Variants in KIF26B observed in about 807,000 individuals in gnomAD.
KIF26B encodes kinesin-like protein KIF26B.
A neutral mutation model predicts 151.2 loss-of-function variants in KIF26B; 63 were observed. The ratio of observed to expected loss-of-function variants is 0.42; its 90% CI spans 0.34 to 0.51. The LOEUF (loss-of-function observed/expected upper bound fraction) is 0.51. KIF26B is among the 20% of genes least tolerant of loss of function. KIF26B has a pLI of 0.07. For missense variants in KIF26B, 2,813 were observed against 2,913.6 expected, an observed-to-expected ratio of 0.97 and a Z score of 0.79; for synonymous variants, 1,357 against 1,262.1, an observed-to-expected ratio of 1.08 and a Z score of -1.59.
At chr1:245,506,963 A>T (rs1660738444) in intron 4 of KIF26B, among the ~76,000 whole-genome samples, 1 of 152,240 alleles carries the variant, frequency 6.6e-6, no homozygotes, top group Admixed American at 6.5e-5. Context: ...TACAGGCGTG[A>T]GCCACGGTGC....
At chr1:245,613,265 A>G (rs1326497296) in intron 9 of KIF26B, among the ~76,000 whole-genome samples, 1 of 152,214 alleles carries the variant, frequency 6.6e-6, no homozygotes, top group Non-Finnish European at 1.5e-5. Flanking sequence ...TGAGTAAAGC[A>G]GAGATGGTCC....
At chr1:245,543,809 T>G (rs12731901) in intron 5 of KIF26B, among the ~76,000 whole-genome samples, 98,334 of 151,938 alleles carry the variant, frequency 0.65, 32,070 homozygotes, top group South Asian at 0.75. Context: ...TTAGCCAAGC[T>G]TGGCGGCACG....
Position 245,698,127 on chromosome 1 carries a change from T to C in KIF26B, c.5846T>C (p.Ile1949Thr). 1 of 1,613,978 alleles carries C rather than the reference T, an allele frequency of 6.2e-7. No individual in the cohort carries two copies. The highest frequency in any genetic ancestry group is 2.2e-5 in the East Asian group (1 of 44,872). ...SNPGSQRRRL[I>T]PALSLDTSSP... ...TCAGGTTCTCAGAGACGGAGGCTTA[T>C]CCCAGCACTATCCCTGGACACCTCT... The change falls in exon 13 of 15, where the codon ATC (isoleucine) becomes ACC (threonine). Residue 1949 changes from isoleucine to threonine, a missense_variant. This residue lies in a region of KIF26B where 2,060 missense variants were observed against 2,088.6 expected (regional missense o/e 0.99). Transcript: ENST00000407071. The surrounding 1 kb of genome is among the most constrained non-coding windows in gnomAD (Gnocchi z 4.0).
intron 3 of KIF26B, among the ~76,000 whole-genome samples, chr1:245,393,597 T>G (rs1400828341): frequency 6.6e-6 from 1 of 152,212 alleles, no homozygotes; most frequent in African/African-American, 2.4e-5. Context: ...TTGGTGAGTG[T>G]GGTCTTACCT....
intron 9 of KIF26B, among the ~76,000 whole-genome samples, chr1:245,637,356 G>A (rs2043844327): frequency 1.3e-5 from 2 of 151,788 alleles, no homozygotes; most frequent in South Asian, 2.1e-4. Context: ...TTTTAAATTG[G>A]ATTATCTGGG....
chr1:245,401,321 A>G (rs528486), intron 3 of KIF26B, among the ~76,000 whole-genome samples: 81,464 of 151,988 alleles, frequency 0.54, 22,167 homozygotes, highest in South Asian at 0.66. Context: ...AGCCATAAGC[A>G]TCTGTGTTCA....
intron 2 of KIF26B, among the ~76,000 whole-genome samples, chr1:245,232,551 GTTTTT>G (rs58620865): frequency 7.6e-6 from 1 of 131,790 alleles, no homozygotes; most frequent in Non-Finnish European, 1.7e-5. Flanking sequence ...GGTTTCATTT[GTTTTT>G]TTTTTTTTTT....
Position 245,358,156 on chromosome 1 carries a change from C to T in KIF26B, c.466-8678C>T, listed in dbSNP as rs1489290908. On this transcript the variant is annotated intron_variant, in intron 2 of 14. Transcript: ENST00000407071. The surrounding 1 kb of genome is among the most constrained non-coding windows in gnomAD (Gnocchi z 4.1). ...TCTCGAACTTCAGATCTGCCCACCTCAGTTTCCCAAAGTGTGGGGATTACA... is the reference window on the plus strand; with the variant it reads ...TCTCGAACTTCAGATCTGCCCACCTTAGTTTCCCAAAGTGTGGGGATTACA... Among the ~76,000 whole-genome samples the T allele has an allele frequency of 6.6e-6, 1 of 152,204 alleles. No homozygotes were observed. The highest frequency in any genetic ancestry group is 1.5e-5 in the Non-Finnish European group (1 of 68,034).
intron 2 of KIF26B, among the ~76,000 whole-genome samples, chr1:245,278,014 AG>A (rs1396025740): frequency 1.3e-5 from 2 of 152,094 alleles, no homozygotes; most frequent in Non-Finnish European, 2.9e-5. Context: ...AAAATTAGGA[AG>A]GGGTGGGGTG....
At chr1:245,620,505 T>TCCTCCCACTTCAG (rs1240716524) in intron 9 of KIF26B, among the ~76,000 whole-genome samples, 1 of 152,116 alleles carries the variant, frequency 6.6e-6, no homozygotes, top group Non-Finnish European at 1.5e-5. Flanking sequence ...GCTCAAGTGA[T>TCCTCCCACTTCAG]CCTCCCACTT....
intron 10 of KIF26B, among the ~76,000 whole-genome samples, chr1:245,664,681 A>G (rs1004615562): frequency 6.6e-6 from 1 of 152,240 alleles, no homozygotes; most frequent in Non-Finnish European, 1.5e-5. Context: ...TCAAAGTAGA[A>G]AAAGGTTAAA....
At chr1:245,295,700 T>C (rs1671324902) in intron 2 of KIF26B, among the ~76,000 whole-genome samples, 1 of 152,194 alleles carries the variant, frequency 6.6e-6, no homozygotes, top group Admixed American at 6.5e-5. Context: ...TTTTCTTAAG[T>C]CCTTACTGGA....
intron 2 of KIF26B, among the ~76,000 whole-genome samples, chr1:245,344,739 C>T (rs1672411612): frequency 6.6e-6 from 1 of 152,054 alleles, no homozygotes; most frequent in African/African-American, 2.4e-5. Flanking sequence ...TAATCTTTAC[C>T]AGTGTGTGAG....
intron 4 of KIF26B, among the ~76,000 whole-genome samples, chr1:245,497,795 G>A (rs575816331): frequency 4.9e-4 from 74 of 152,282 alleles, no homozygotes; most frequent in Middle Eastern, 6.8e-3. Flanking sequence ...CCAGGCTGGA[G>A]TGCAATGGCG....
chr1:245,387,738 C>T (rs1673586998), intron 3 of KIF26B, among the ~76,000 whole-genome samples: 1 of 152,170 alleles, frequency 6.6e-6, no homozygotes, highest in Non-Finnish European at 1.5e-5. Flanking sequence ...ATTTCTGCTT[C>T]CCTAATATGC....
intron 4 of KIF26B, among the ~76,000 whole-genome samples, chr1:245,502,074 A>T (rs1488492610): frequency 6.6e-6 from 1 of 152,212 alleles, no homozygotes; most frequent in Non-Finnish European, 1.5e-5. Context: ...CTTTTCTGAT[A>T]AAAAAGGAAT....
chr1:245,692,303 G>A (rs758395533), intron 12 of KIF26B, among the ~76,000 whole-genome samples: 10 of 152,168 alleles, frequency 6.6e-5, no homozygotes, highest in South Asian at 2.1e-4. Flanking sequence ...GGTGAAAAGC[G>A]TGGAATAGAG....
intron 5 of KIF26B, among the ~76,000 whole-genome samples, chr1:245,594,245 G>A (rs372296161): frequency 6.6e-6 from 1 of 152,174 alleles, no homozygotes. Flanking sequence ...CTTTGCCCAT[G>A]CCTATGTCCT....
intron 4 of KIF26B, among the ~76,000 whole-genome samples, chr1:245,470,440 T>G (rs1445521880): frequency 6.6e-6 from 1 of 152,144 alleles, no homozygotes; most frequent in Non-Finnish European, 1.5e-5. Flanking sequence ...TGTTTTTGTT[T>G]TTGTTTTTGA....
Sources: gnomAD v4.1 joint callset for allele counts (sites outside exome capture counted in the v4.1 genomes callset) on GRCh38, gnomAD v4.1.1 for gene constraint, gnomAD v4.1.1 regional missense constraint, Gnocchi (gnomAD v3.1) non-coding constraint, MANE v1.5 for transcripts, NCBI Gene and HGNC (gene_info 2026-07-23, HGNC 2026-07-21) for gene names.